NTM: variants seen among roughly 807,000 people sequenced by gnomAD.
The protein encoded by NTM is neurotrimin.
In NTM, 13 loss-of-function variants were observed where a neutral mutation model predicts 42.1. That is an observed-to-expected ratio of 0.31 (90% CI 0.20 to 0.49). The LOEUF is 0.49. NTM is among the 20% of genes least tolerant of loss of function. The pLI is 0.99. For synonymous variants in NTM, 187 were observed against 179.2 expected (o/e 1.04, Z -0.35); for missense variants, 373 against 452.8 (o/e 0.82, Z 1.60).
intron 1 of NTM, among the ~76,000 whole-genome samples, chr11:131,809,861 G>A (rs530965967): frequency 1.3e-5 from 2 of 152,174 alleles, no homozygotes; most frequent in Admixed American, 6.5e-5. Flanking sequence ...GCTGTCCTTC[G>A]AAATCACCTA....
chr11:131,486,343 T>C (rs1954172443), intron 1 of NTM, among the ~76,000 whole-genome samples: 1 of 152,190 alleles, frequency 6.6e-6, no homozygotes, highest in Non-Finnish European at 1.5e-5. Flanking sequence ...ATCTACGGCA[T>C]GCAGGACACC....
chr11:132,020,968 A>T (rs530465016), intron 2 of NTM, among the ~76,000 whole-genome samples: 91 of 152,154 alleles, frequency 6.0e-4, no homozygotes, highest in Admixed American at 2.2e-3. Flanking sequence ...TTTCACTATT[A>T]TTCATTGAGT....
At position 132,210,396 on chromosome 11, in the gene NTM, G is replaced by C. The variant is rs370541372; in HGVS notation, c.401-1626G>C. 1.4e-4 allele frequency among the ~76,000 whole-genome samples: 22 copies of C among 152,260 alleles called. 1 individual carries two copies. The highest frequency in any genetic ancestry group is 5.1e-4 in the African/African-American group (21 of 41,542). On this transcript the variant is annotated intron_variant, in intron 3 of 8. Coordinates refer to ENST00000683400, the MANE Select transcript of NTM (RefSeq NM_001352005.2). ...CACAGGTTGGGAAGGTGGTTCCCTTGAATAACCATTATCACTCAATTCTGT... is the reference window on the plus strand; with the variant it reads ...CACAGGTTGGGAAGGTGGTTCCCTTCAATAACCATTATCACTCAATTCTGT...
chr11:131,974,723 TA>T (rs977550670), intron 2 of NTM, among the ~76,000 whole-genome samples: 7 of 152,142 alleles, frequency 4.6e-5, no homozygotes, highest in Non-Finnish European at 5.9e-5. Flanking sequence ...ACTTGAAAAA[TA>T]TTTTTTTTTC....
At chr11:131,836,122 T>C (rs75155294) in intron 1 of NTM, among the ~76,000 whole-genome samples, 2,633 of 152,288 alleles carry the variant, frequency 0.017, 70 homozygotes, top group African/African-American at 0.06. Flanking sequence ...CTGGTAGTAA[T>C]GCGGTTGTGT....
Position 131,598,766 on chromosome 11 carries a change from T to TTC in NTM, c.82+227879_82+227880insCT, listed in dbSNP as rs1555161450. Among the ~76,000 whole-genome samples, 166 of 33,808 alleles carry TTC rather than the reference T, an allele frequency of 4.9e-3. 1 individual carries two copies. The highest frequency in any genetic ancestry group is 9.7e-3 in the East Asian group (9 of 926). The allele number at this position is 33,808 out of a possible 152,430, so 22.2% of individuals were successfully genotyped here. On this transcript the variant is annotated intron_variant, in intron 1 of 8. Transcript: ENST00000683400. ...TTCTTTCTTTCTTTCTTCTTTCTTT[T>TTC]TTTCTTTCTTTCTTTCTTCTTTCTT...
At chr11:132,058,397 G>A (rs193134848) in intron 2 of NTM, among the ~76,000 whole-genome samples, 67 of 152,278 alleles carry the variant, frequency 4.4e-4, no homozygotes, top group African/African-American at 1.3e-3. Flanking sequence ...TCTGCCCTGC[G>A]AAGCGGATTA....
chr11:131,929,507 G>T (rs150852230), intron 2 of NTM, among the ~76,000 whole-genome samples: 1 of 150,546 alleles, frequency 6.6e-6, no homozygotes, highest in African/African-American at 2.4e-5. Context: ...AAAACTTTCC[G>T]TTTTTTTTGT....
chr11:131,478,496 A>C (rs1381173370), intron 1 of NTM, among the ~76,000 whole-genome samples: 1 of 152,176 alleles, frequency 6.6e-6, no homozygotes, highest in African/African-American at 2.4e-5. Context: ...CCACATAACT[A>C]GGAGACTCTT....
intron 2 of NTM, among the ~76,000 whole-genome samples, chr11:132,097,819 C>T (rs1269728366): frequency 6.6e-6 from 1 of 152,158 alleles, no homozygotes; most frequent in Non-Finnish European, 1.5e-5. Flanking sequence ...ATAAAGGAGC[C>T]AGAGGGAAAA....
At chr11:131,872,877 G>C (rs917826518) in intron 1 of NTM, among the ~76,000 whole-genome samples, 4 of 152,110 alleles carry the variant, frequency 2.6e-5, no homozygotes, top group Non-Finnish European at 5.9e-5. Flanking sequence ...AGATTGCTGG[G>C]TCAAATGGTA....
chr11:131,726,280 C>A (rs1425243596), intron 1 of NTM, among the ~76,000 whole-genome samples: 1 of 152,162 alleles, frequency 6.6e-6, no homozygotes, highest in African/African-American at 2.4e-5. Flanking sequence ...CCTCCCTATG[C>A]ACCTTTTCAA....
At chr11:132,262,368 C>G (rs374912231) in intron 4 of NTM, among the ~76,000 whole-genome samples, 1 of 152,300 alleles carries the variant, frequency 6.6e-6, no homozygotes, top group East Asian at 1.9e-4. Context: ...CCACTGGCCA[C>G]GGTTGACTAA....
At chr11:131,999,812 C>A (rs1565916684) in intron 2 of NTM, among the ~76,000 whole-genome samples, 1 of 152,172 alleles carries the variant, frequency 6.6e-6, no homozygotes, top group South Asian at 2.1e-4. Context: ...TCAAAGCATT[C>A]ATTAAAGAGA....
At chr11:131,697,101 T>C (rs1016508400) in intron 1 of NTM, among the ~76,000 whole-genome samples, 1 of 152,226 alleles carries the variant, frequency 6.6e-6, no homozygotes, top group African/African-American at 2.4e-5. Context: ...AATTGCCATG[T>C]AATTGTCAGG....
At chr11:131,834,563 A>C (rs374298059) in intron 1 of NTM, among the ~76,000 whole-genome samples, 5 of 150,038 alleles carry the variant, frequency 3.3e-5, no homozygotes, top group African/African-American at 1.2e-4. Context: ...CCATCATAAT[A>C]ATCATCATCA....
At chr11:132,024,173 T>C (rs369810869) in intron 2 of NTM, among the ~76,000 whole-genome samples, 5 of 151,966 alleles carry the variant, frequency 3.3e-5, no homozygotes, top group African/African-American at 1.2e-4. Flanking sequence ...TAGGGTATGT[T>C]TGTTTTGTGT....
At chr11:132,148,621 A>AT (rs2071119647) in intron 3 of NTM, among the ~76,000 whole-genome samples, 1 of 152,110 alleles carries the variant, frequency 6.6e-6, no homozygotes, top group South Asian at 2.1e-4. Flanking sequence ...ACTGGATCAT[A>AT]TTTTTGTCAT....
chr11:131,956,848 TA>T (rs2061610839), intron 2 of NTM, among the ~76,000 whole-genome samples: 1 of 152,062 alleles, frequency 6.6e-6, no homozygotes, highest in Non-Finnish European at 1.5e-5. Flanking sequence ...AGTCATGTAG[TA>T]AAAAGTGTGC....
Sources: allele counts gnomAD v4.1 joint callset (sites outside exome capture counted in the v4.1 genomes callset), GRCh38; gene constraint gnomAD v4.1.1; transcripts MANE v1.5; gene names NCBI Gene and HGNC (gene_info 2026-07-23, HGNC 2026-07-21).